Variants in DNM3 observed in about 807,000 individuals in gnomAD.
DNM3 encodes dynamin 3.
Under a neutral mutation model 101.6 loss-of-function variants are expected in DNM3, and 47 were observed. The observed-to-expected ratio is 0.46, with a 90% confidence interval of 0.37 to 0.59. The LOEUF (loss-of-function observed/expected upper bound fraction) is 0.59. DNM3 is among the 20% of genes least tolerant of loss of function. The pLI, the probability that DNM3 is intolerant of heterozygous loss-of-function variation, is 0.00. For missense variants in DNM3, 849 were observed against 1,085.7 expected (o/e 0.78, Z 3.06); for synonymous variants, 385 against 387.9 (o/e 0.99, Z 0.09).
chr1:172,230,385 T>A (rs2061288121), intron 14 of DNM3, among the ~76,000 whole-genome samples: 1 of 152,200 alleles, frequency 6.6e-6, no homozygotes, highest in Non-Finnish European at 1.5e-5. Context: ...AGCTATGGAC[T>A]CTCCCTACCT....
chr1:172,165,418 C>T (rs916312471), intron 14 of DNM3, among the ~76,000 whole-genome samples: 1 of 151,966 alleles, frequency 6.6e-6, no homozygotes, highest in Non-Finnish European at 1.5e-5. Flanking sequence ...TTTTATGATA[C>T]CACACTGCTC....
intron 1 of DNM3, among the ~76,000 whole-genome samples, chr1:171,898,506 TTTC>T (rs910305134): frequency 1.3e-5 from 2 of 152,148 alleles, no homozygotes; most frequent in Admixed American, 1.3e-4. Context: ...AAACCTATTT[TTTC>T]TTCTTATTAA....
At chr1:172,293,021 C>T (rs1383584522) in intron 15 of DNM3, among the ~76,000 whole-genome samples, 2 of 152,084 alleles carry the variant, frequency 1.3e-5, no homozygotes, top group South Asian at 2.1e-4. Flanking sequence ...TACATGTGGC[C>T]GACTGTGCGT....
intron 2 of DNM3, among the ~76,000 whole-genome samples, chr1:171,939,383 G>A (rs182815300): frequency 6.6e-6 from 1 of 152,244 alleles, no homozygotes; most frequent in Non-Finnish European, 1.5e-5. Flanking sequence ...TTGAATTGGT[G>A]TTTATTTGTT....
At chr1:172,403,913 A>T (rs1372160737) in intron 20 of DNM3, among the ~76,000 whole-genome samples, 2 of 152,158 alleles carry the variant, frequency 1.3e-5, no homozygotes, top group Non-Finnish European at 2.9e-5. Flanking sequence ...AACTCTTTGA[A>T]TGGTTAGGAA....
chr1:172,293,362 C>T (rs565307417), intron 15 of DNM3, among the ~76,000 whole-genome samples: 3 of 152,270 alleles, frequency 2.0e-5, no homozygotes, highest in South Asian at 2.1e-4. Flanking sequence ...TTTAGTGTAA[C>T]GCTTAAAAGC....
chr1:171,975,750 A>G (rs1406782012), intron 2 of DNM3, among the ~76,000 whole-genome samples: 1 of 152,236 alleles, frequency 6.6e-6, no homozygotes, highest in East Asian at 1.9e-4. Context: ...ATGAAAATAA[A>G]AGAACCCAGA....
chr1:171,891,244 C>G (rs1048856277), intron 1 of DNM3, among the ~76,000 whole-genome samples: 1 of 151,732 alleles, frequency 6.6e-6, no homozygotes, highest in Non-Finnish European at 1.5e-5. Context: ...GGCAGTCGTC[C>G]TATACAGTAA....
At chr1:172,199,051 A>G (rs2060057640) in intron 14 of DNM3, among the ~76,000 whole-genome samples, 1 of 152,118 alleles carries the variant, frequency 6.6e-6, no homozygotes, top group Non-Finnish European at 1.5e-5. Context: ...ATTAAGTGCT[A>G]TGAATTTCCC....
Position 172,407,847 on chromosome 1 carries a change from G to A in DNM3, c.*6G>A. On this transcript the variant is annotated 3_prime_UTR_variant, in exon 21 of 21. Transcript: ENST00000627582. Reference sequence around the variant, plus strand: ...AATCCTCCCTGTTAGACTAAACGAAGTGTCTGGCATGGCAATTAATCACTA... The same window carrying A: ...AATCCTCCCTGTTAGACTAAACGAAATGTCTGGCATGGCAATTAATCACTA... 3 of 1,613,060 alleles carry A rather than the reference G, an allele frequency of 1.9e-6. No homozygotes were observed. Among genetic ancestry groups the A allele is most frequent in the Non-Finnish European group, 2.5e-6 (3 of 1,179,196 alleles).
chr1:172,327,306 A>G (rs2065976322), intron 17 of DNM3, among the ~76,000 whole-genome samples: 1 of 152,204 alleles, frequency 6.6e-6, no homozygotes, highest in African/African-American at 2.4e-5. Context: ...ATTGGATTCT[A>G]GCACTCATTT....
Position 172,408,453 on chromosome 1 carries a change from G to A in DNM3, c.*612G>A. On this transcript the variant is annotated 3_prime_UTR_variant, in exon 21 of 21. Coordinates refer to ENST00000627582, the MANE Select transcript of DNM3 (RefSeq NM_015569.5). ...AAGTCTGCACTGTTTGCTCTAAAGA[G>A]CTTCTCCTCATTCCAATGTGTTTTG... 1 of 985,358 alleles carries A rather than the reference G, an allele frequency of 1.0e-6. No individual in the cohort carries two copies. The highest frequency in any genetic ancestry group is 1.2e-6 in the Non-Finnish European group (1 of 829,914). 61.0% of individuals were successfully genotyped at this position (985,358 alleles called of 1,614,324 possible).
chr1:171,852,923 G>A (rs994130157), intron 1 of DNM3, among the ~76,000 whole-genome samples: 2 of 152,102 alleles, frequency 1.3e-5, no homozygotes, highest in Non-Finnish European at 2.9e-5. Context: ...AACAGTCTAC[G>A]ATTTGGCTTG....
chr1:172,230,157 ATCTTGGC>A (rs112143163), intron 14 of DNM3, among the ~76,000 whole-genome samples: 6,623 of 152,042 alleles, frequency 0.044, 437 homozygotes, highest in African/African-American at 0.14. Context: ...AATTCTGTGT[ATCTTGGC>A]TCTGCCCCAT....
chr1:172,314,087 C>A (rs1156801782), intron 16 of DNM3, among the ~76,000 whole-genome samples: 1 of 152,090 alleles, frequency 6.6e-6, no homozygotes, highest in Admixed American at 6.6e-5. Context: ...TACTGTTTGA[C>A]TCAGCAATCC....
At chr1:171,906,381 G>A (rs190187751) in intron 1 of DNM3, among the ~76,000 whole-genome samples, 89 of 151,742 alleles carry the variant, frequency 5.9e-4, no homozygotes, top group East Asian at 3.7e-3. Context: ...TCCTGTCTCA[G>A]CCTCTCAAAC....
intron 11 of DNM3, among the ~76,000 whole-genome samples, chr1:172,071,108 TATATA>T (rs1358107730): frequency 2.9e-5 from 4 of 136,694 alleles, no homozygotes; most frequent in Non-Finnish European, 4.6e-5. Flanking sequence ...TATATATATA[TATATA>T]TATATATCTT....
At chr1:172,147,558 T>A (rs1445214082) in intron 14 of DNM3, among the ~76,000 whole-genome samples, 1 of 152,146 alleles carries the variant, frequency 6.6e-6, no homozygotes. Context: ...TTGTTCCCAA[T>A]CTTGGCACAT....
At chr1:172,032,525 A>ATTTT in intron 5 of DNM3, 25 bp downstream of exon 5, 1 of 662,844 alleles carries the variant, frequency 1.5e-6, no homozygotes, top group Non-Finnish European at 2.2e-6. Context: ...TCTATACAAG[A>ATTTT]CTTTTTTTTT....
Sources: gnomAD v4.1 joint callset for allele counts (sites outside exome capture counted in the v4.1 genomes callset) on GRCh38, gnomAD v4.1.1 for gene constraint, MANE v1.5 for transcripts, NCBI Gene and HGNC (gene_info 2026-07-23, HGNC 2026-07-21) for gene names.